The following TAF1B variants were observed in gnomAD, a reference collection of about 807,000 sequenced individuals.
TAF1B encodes TATA box-binding protein-associated factor RNA polymerase I subunit B.
In TAF1B, 61 loss-of-function variants were observed where a neutral mutation model predicts 83.9. That is an observed-to-expected ratio of 0.73 (90% CI 0.59 to 0.90). The LOEUF is 0.90. Ranked by LOEUF, TAF1B falls within the 40% of genes least tolerant of loss-of-function variation. The probability of loss-of-function intolerance (pLI) is 0.00; values close to 1 mark genes in which losing one functional copy is unlikely to be tolerated. For missense variants in TAF1B, 625 were observed against 677.0 expected (o/e 0.92, Z 0.85); for synonymous variants, 221 against 224.6 (o/e 0.98, Z 0.14).
At chr2:9,867,283 C>G (rs1664014726) in intron 5 of TAF1B, among the ~76,000 whole-genome samples, 1 of 152,058 alleles carries the variant, frequency 6.6e-6, no homozygotes, top group African/African-American at 2.4e-5. Flanking sequence ...TTGAATCGTC[C>G]AGAAGAATCA....
At chr2:9,877,972 C>T (rs1664374534) in intron 7 of TAF1B, among the ~76,000 whole-genome samples, 1 of 152,172 alleles carries the variant, frequency 6.6e-6, no homozygotes, top group Non-Finnish European at 1.5e-5. Context: ...GGGAACAGAG[C>T]TTAGTTGCTT....
chr2:9,854,916 G>T (rs1406074161), intron 5 of TAF1B, among the ~76,000 whole-genome samples: 1 of 152,112 alleles, frequency 6.6e-6, no homozygotes, highest in Non-Finnish European at 1.5e-5. Context: ...CTTTATAAAT[G>T]TGCCATGTAA....
chr2:9,880,568 G>A (rs1023771510), intron 7 of TAF1B, among the ~76,000 whole-genome samples: 3 of 151,096 alleles, frequency 2.0e-5, no homozygotes, highest in African/African-American at 7.3e-5. Context: ...GCTTCCCCTA[G>A]TCAGGTCTCT....
chr2:9,920,778 C>T (rs1558268601), intron 14 of TAF1B, among the ~76,000 whole-genome samples: 1 of 152,106 alleles, frequency 6.6e-6, no homozygotes, highest in African/African-American at 2.4e-5. Context: ...GTTCTGTCCT[C>T]GTATCTGTCG....
chr2:9,910,435 G>A (rs923190200), intron 9 of TAF1B, among the ~76,000 whole-genome samples: 4 of 152,188 alleles, frequency 2.6e-5, no homozygotes, highest in South Asian at 4.1e-4. Flanking sequence ...AGCAAACACT[G>A]CTATAGAAAC....
intron 8 of TAF1B, among the ~76,000 whole-genome samples, chr2:9,903,797 G>A (rs1665261572): frequency 6.6e-6 from 1 of 152,188 alleles, no homozygotes; most frequent in Admixed American, 6.5e-5. Context: ...TTATAACTCT[G>A]ATTGGGTTGT....
chr2:9,863,128 T>C (rs907281214), intron 5 of TAF1B, among the ~76,000 whole-genome samples: 25 of 152,090 alleles, frequency 1.6e-4, no homozygotes, highest in African/African-American at 2.4e-4. Context: ...GGCTAAATGC[T>C]CCAATTAAAA....
intron 11 of TAF1B, 128 bp from the exon 12 acceptor site, chr2:9,913,031 G>T: frequency 1.5e-6 from 1 of 684,564 alleles, no homozygotes. Context: ...TCTCTCTAAT[G>T]TCTACATCTT....
intron 8 of TAF1B, among the ~76,000 whole-genome samples, chr2:9,898,305 G>A (rs1012394492): frequency 2.6e-5 from 4 of 152,114 alleles, no homozygotes; most frequent in African/African-American, 7.2e-5. Context: ...GATGTTTTTC[G>A]TAAGCATCTT....
At chr2:9,896,121 A>G (rs1665010990) in intron 8 of TAF1B, among the ~76,000 whole-genome samples, 2 of 152,082 alleles carry the variant, frequency 1.3e-5, no homozygotes, top group African/African-American at 4.8e-5. Flanking sequence ...GACCTGTATC[A>G]CTCGAGAAGC....
intron 8 of TAF1B, among the ~76,000 whole-genome samples, chr2:9,883,561 C>T (rs1572247136): frequency 6.6e-6 from 1 of 152,140 alleles, no homozygotes; most frequent in East Asian, 1.9e-4. Flanking sequence ...CCTTTCCAGC[C>T]TGTCAGTGTT....
chr2:9,908,005 C>T (rs1010984233), intron 9 of TAF1B, among the ~76,000 whole-genome samples: 1 of 133,100 alleles, frequency 7.5e-6, no homozygotes, highest in Non-Finnish European at 1.6e-5. Flanking sequence ...TTGGCATAAG[C>T]GGAGCAGTTC....
chr2:9,889,970 T>C (rs1664816126), intron 8 of TAF1B, among the ~76,000 whole-genome samples: 1 of 152,200 alleles, frequency 6.6e-6, no homozygotes, highest in Non-Finnish European at 1.5e-5. Context: ...TTCTCATACA[T>C]GCACATATTG....
intron 6 of TAF1B, among the ~76,000 whole-genome samples, chr2:9,872,295 C>T (rs993157261): frequency 3.3e-5 from 5 of 150,664 alleles, no homozygotes; most frequent in African/African-American, 1.2e-4. Context: ...CACTGCACTC[C>T]AGTCTGGGCA....
At chr2:9,926,318 A>G (rs1666031839) in intron 14 of TAF1B, among the ~76,000 whole-genome samples, 1 of 152,180 alleles carries the variant, frequency 6.6e-6, no homozygotes, top group Admixed American at 6.5e-5. Context: ...AATCAGGCCC[A>G]TATATTGCAA....
chr2:9,849,456 T>C lies in TAF1B; in HGVS notation c.201T>C (p.Asn67=). The change falls in exon 3 of 15, where the codon AAT becomes AAC. Residue 67 remains asparagine (N), a synonymous_variant. Transcript: ENST00000263663. The part of the protein sequence containing the change: ...ALNRGLKKKN[N]TEKGWDWYVC... ...ACCGGGGGCTTAAAAAAAAAAACAA[T>C]ACTGGTAAGTTCTTTCTTCATATGT... The C allele has an allele frequency of 2.6e-6, 4 of 1,539,680 alleles. No homozygotes were observed. The highest frequency in any genetic ancestry group is 3.5e-6 in the Non-Finnish European group (4 of 1,140,360).
chr2:9,911,402 G>A, intron 10 of TAF1B, 109 bp from the exon 11 acceptor site: 3 of 775,040 alleles, frequency 3.9e-6, no homozygotes, highest in Non-Finnish European at 6.0e-6. Flanking sequence ...ATTAAAACAT[G>A]GTATCAATTT....
In TAF1B at chr2:9,885,743, G is replaced by GCC. The variant is rs58213359; in HGVS notation, c.807+2946_807+2947dup. 1.3e-3 allele frequency among the ~76,000 whole-genome samples: 185 copies of GCC among 142,708 alleles called. 3 individuals carry two copies. The highest frequency in any genetic ancestry group is 4.4e-3 in the African/African-American group (165 of 37,826). 93.6% of individuals were successfully genotyped at this position (142,708 alleles called of 152,430 possible). On this transcript the variant is annotated intron_variant, in intron 8 of 14. Coordinates refer to ENST00000263663, the MANE Select transcript of TAF1B (RefSeq NM_005680.3). ...GTATGTCTCCCTTCTTTCTCCCCAC[G>GCC]CCCCCCCCCACTTTGTCCTTCTCTC...
intron 6 of TAF1B, among the ~76,000 whole-genome samples, chr2:9,872,099 A>G (rs752989625): frequency 2.0e-5 from 3 of 152,044 alleles, no homozygotes; most frequent in Non-Finnish European, 4.4e-5. Context: ...AGGCCGACGC[A>G]GGCGGATCAC....
Sources: allele counts gnomAD v4.1 joint callset (sites outside exome capture counted in the v4.1 genomes callset), GRCh38; gene constraint gnomAD v4.1.1; transcripts MANE v1.5; gene names NCBI Gene and HGNC (gene_info 2026-07-23, HGNC 2026-07-21).